The following IKZF3 variants were observed in gnomAD, a reference collection of about 807,000 sequenced individuals.
The protein encoded by IKZF3 is IKAROS family zinc finger 3.
IKZF3 carries 10 observed loss-of-function variants against 49.0 expected under a neutral mutation model. The observed-to-expected ratio is 0.20, with a 90% CI of 0.13 to 0.35. The LOEUF is 0.35. Among genes scored for constraint, IKZF3 ranks in the 10% least tolerant of loss-of-function variants. The pLI is 1.00. For synonymous variants in IKZF3, 209 were observed against 228.2 expected (o/e 0.92, Z 0.76); for missense variants, 498 against 664.8 (o/e 0.75, Z 2.76).
intron 3 of IKZF3, among the ~76,000 whole-genome samples, chr17:39,802,823 CAAAAA>C (rs558413530): frequency 8.0e-5 from 4 of 50,266 alleles, no homozygotes; most frequent in Non-Finnish European, 1.3e-4. Context: ...AGACCTGTCT[CAAAAA>C]AAAAAAAAAA....
At position 39,762,326 on chromosome 17, in the gene IKZF3, C is replaced by A. The variant is rs1179565152; in HGVS notation, c.*3464G>T. ...GCAGCGTTTATCTGTGTGATGGTAA[C>A]CACTGCATATCTGGTTCAACTTCAA... On this transcript the variant is annotated 3_prime_UTR_variant, in exon 8 of 8. Transcript: ENST00000346872. 2 of 152,174 alleles carry A rather than the reference C, an allele frequency of 1.3e-5. No homozygotes were observed. The highest frequency in any genetic ancestry group is 2.9e-5 in the Non-Finnish European group (2 of 68,040). The allele number at this position is 152,174 out of a possible 1,614,324, so 9.4% of individuals were successfully genotyped here.
intron 6 of IKZF3, 74 bp downstream of exon 6, chr17:39,788,184 G>T: frequency 1.2e-6 from 1 of 853,158 alleles, no homozygotes; most frequent in Non-Finnish European, 1.9e-6. Context: ...AACTCCACGA[G>T]TCTTTTTACT....
intron 1 of IKZF3, among the ~76,000 whole-genome samples, chr17:39,847,535 T>C (rs1292264733): frequency 6.6e-6 from 1 of 152,178 alleles, no homozygotes; most frequent in Non-Finnish European, 1.5e-5. Context: ...CAGGTCCTAG[T>C]TCAGCTTTCT....
At chr17:39,790,918 A>C (rs978827230) in intron 5 of IKZF3, among the ~76,000 whole-genome samples, 6 of 151,754 alleles carry the variant, frequency 4.0e-5, no homozygotes, top group African/African-American at 1.5e-4. Context: ...AAAGTGGGCC[A>C]ATCAAGAGGA....
intron 1 of IKZF3, 145 bp from the exon 2 acceptor site, chr17:39,832,296 C>A (rs2144313375): frequency 1.8e-6 from 1 of 554,750 alleles, no homozygotes; most frequent in East Asian, 3.1e-5. Context: ...TCTCTATATT[C>A]TCCCTAAAAG....
At chr17:39,799,569 G>C (rs958206457) in intron 3 of IKZF3, among the ~76,000 whole-genome samples, 9 of 152,116 alleles carry the variant, frequency 5.9e-5, no homozygotes, top group Non-Finnish European at 1.3e-4. Context: ...GCAACCGCCT[G>C]GGAGCTTGTT....
rs538888240 is a variant in IKZF3, at chr17:39,767,503, C to T, written c.827-1010G>A. Among the ~76,000 whole-genome samples, 3 of 152,188 alleles carry T rather than the reference C, an allele frequency of 2.0e-5. No homozygotes were observed. In the South Asian group the frequency reaches 6.2e-4, roughly 32 times the overall value. ...AGTGCTGGAGGTGAGGCTGAGGTCA[C>T]TGTTGAGCCTCTCCATTCTGTCAGC... On this transcript the variant is annotated intron_variant, in intron 7 of 7. Transcript: ENST00000346872.
chr17:39,775,622 A>G (rs190257226), intron 7 of IKZF3, among the ~76,000 whole-genome samples: 6 of 152,252 alleles, frequency 3.9e-5, no homozygotes, highest in Non-Finnish European at 8.8e-5. Context: ...ATTGACCACA[A>G]CTGGATTGAA....
intron 1 of IKZF3, among the ~76,000 whole-genome samples, chr17:39,859,476 C>T (rs907903841): frequency 6.6e-6 from 1 of 151,526 alleles, no homozygotes; most frequent in African/African-American, 2.4e-5. Flanking sequence ...GTAGCCTCGA[C>T]CTCCCAGGCT....
intron 1 of IKZF3, among the ~76,000 whole-genome samples, chr17:39,859,862 G>A (rs1272977657): frequency 6.6e-6 from 1 of 152,144 alleles, no homozygotes; most frequent in Non-Finnish European, 1.5e-5. Flanking sequence ...CTATAGGCAA[G>A]TTTCTGTGTT....
chr17:39,791,689 T>G, intron 4 of IKZF3, 106 bp from the exon 5 acceptor site: 1 of 1,152,696 alleles, frequency 8.7e-7, no homozygotes, highest in Non-Finnish European at 1.3e-6. Flanking sequence ...CAATTACTGT[T>G]CACATTGGGA....
At position 39,864,101 on chromosome 17, in the gene IKZF3, A is replaced by T; in HGVS notation, c.7+19T>A. On this transcript the variant is annotated intron_variant, in intron 1 of 7. Transcript: ENST00000346872. Reference sequence around the variant, plus strand: ...GTTTCTCAAAGACCCCGGAGAAAAGAAGCGGGCTGGAGGCTCACCTTCCAT... The same window carrying T: ...GTTTCTCAAAGACCCCGGAGAAAAGTAGCGGGCTGGAGGCTCACCTTCCAT... 6.2e-7 allele frequency: 1 copy of T among 1,613,054 alleles called. No homozygotes were observed. The highest frequency in any genetic ancestry group is 8.5e-7 in the Non-Finnish European group (1 of 1,179,624).
chr17:39,771,914 A>AT lies in IKZF3; in HGVS notation c.827-5422dup, dbSNP rs111869144. Among the ~76,000 whole-genome samples, 315 of 136,098 alleles carry AT rather than the reference A, an allele frequency of 2.3e-3. 3 individuals are homozygous for AT. Among genetic ancestry groups the AT allele is most frequent in the South Asian group, 5.6e-3 (24 of 4,266 alleles). 89.3% of individuals were successfully genotyped at this position (136,098 alleles called of 152,430 possible). ...GCCACCACACCTGGCTAGGTTTTTG[A>AT]TTTTTTTTTTTTTTTCAGAGACAGA... On this transcript the variant is annotated intron_variant, in intron 7 of 7. Coordinates refer to ENST00000346872, the MANE Select transcript of IKZF3 (RefSeq NM_012481.5).
At chr17:39,824,930 C>T (rs747425966) in intron 3 of IKZF3, among the ~76,000 whole-genome samples, 1 of 152,072 alleles carries the variant, frequency 6.6e-6, no homozygotes, top group Non-Finnish European at 1.5e-5. Flanking sequence ...CTCCTGACCT[C>T]GTGATCCTCC....
chr17:39,788,782 G>A (rs1351453143), intron 5 of IKZF3, among the ~76,000 whole-genome samples: 1 of 152,204 alleles, frequency 6.6e-6, no homozygotes, highest in Non-Finnish European at 1.5e-5. Context: ...TGTAAGTAAA[G>A]ATTGCTGTAG....
chr17:39,815,178 C>A lies in IKZF3; in HGVS notation c.163+14209G>T, dbSNP rs1375666324. ...AACATATACATGCTCATGACAGAAC[C>A]TTTCCTTCTATTTTCTAAGTGGGAA... is the stretch of plus-strand genomic sequence containing the variant. On this transcript the variant is annotated intron_variant, in intron 3 of 7. Coordinates refer to ENST00000346872, the MANE Select transcript of IKZF3 (RefSeq NM_012481.5). 2.0e-5 allele frequency among the ~76,000 whole-genome samples: 3 copies of A among 152,178 alleles called. No individual in the cohort carries two copies. In the East Asian group the frequency reaches 5.8e-4, roughly 29 times the overall value.
At chr17:39,850,907 G>GTATATTATATATACA (rs1416100894) in intron 1 of IKZF3, among the ~76,000 whole-genome samples, 32 of 111,174 alleles carry the variant, frequency 2.9e-4, no homozygotes, top group Non-Finnish European at 1.1e-4. Flanking sequence ...TATTATATAC[G>GTATATTATATATACA]TATATTATAT....
intron 3 of IKZF3, among the ~76,000 whole-genome samples, chr17:39,793,396 AAG>A (rs2061079698): frequency 1.3e-5 from 2 of 152,214 alleles, no homozygotes; most frequent in Non-Finnish European, 2.9e-5. Flanking sequence ...CATTAAGATT[AAG>A]AGTTGACTAG....
chr17:39,834,213 A>G (rs1380107886), intron 1 of IKZF3, among the ~76,000 whole-genome samples: 1 of 152,144 alleles, frequency 6.6e-6, no homozygotes, highest in African/African-American at 2.4e-5. Flanking sequence ...TAGGTGTGGA[A>G]TTACTGGGTT....
Sources: gnomAD v4.1 joint callset for allele counts (sites outside exome capture counted in the v4.1 genomes callset) on GRCh38, gnomAD v4.1.1 for gene constraint, MANE v1.5 for transcripts, NCBI Gene and HGNC (gene_info 2026-07-23, HGNC 2026-07-21) for gene names.